Variants in RIT2 observed in about 807,000 individuals in gnomAD.
RIT2 encodes the protein Ras like without CAAX 2, also known as GTP-binding protein Rit2.
In RIT2, 24 loss-of-function variants were observed where a neutral mutation model predicts 23.7. That is an observed-to-expected ratio of 1.01 (90% CI 0.73 to 1.43). The LOEUF is 1.43. RIT2 is among the 40% of genes most tolerant of loss of function. RIT2 has a pLI of 0.00. For synonymous variants in RIT2, 107 were observed against 91.1 expected, an observed-to-expected ratio of 1.17 and a Z score of -0.99; for missense variants, 236 against 266.9, an observed-to-expected ratio of 0.88 and a Z score of 0.81.
intron 4 of RIT2, among the ~76,000 whole-genome samples, chr18:42,902,312 T>C (rs1944411): frequency 0.022 from 3,406 of 151,752 alleles, 126 homozygotes; most frequent in African/African-American, 0.076. Context: ...TTTTTTTAAT[T>C]TGTCATGATG....
chr18:42,982,770 G>C (rs1407081486), intron 2 of RIT2, among the ~76,000 whole-genome samples: 15 of 151,918 alleles, frequency 9.9e-5, no homozygotes, highest in Admixed American at 3.9e-4. Context: ...AAATACTTAT[G>C]TGTATATTGA....
At chr18:43,089,023 T>G (rs911326758) in intron 1 of RIT2, among the ~76,000 whole-genome samples, 3 of 152,078 alleles carry the variant, frequency 2.0e-5, no homozygotes, top group Non-Finnish European at 4.4e-5. Flanking sequence ...ACATGTATGT[T>G]TTAAATAGAG....
intron 2 of RIT2, among the ~76,000 whole-genome samples, chr18:42,977,908 C>T (rs1267850029): frequency 6.6e-6 from 1 of 150,868 alleles, no homozygotes. Flanking sequence ...TTCTATTCCA[C>T]TGCTCTTTGT....
intron 1 of RIT2, among the ~76,000 whole-genome samples, chr18:43,086,622 C>G (rs1019261680): frequency 2.0e-5 from 3 of 152,228 alleles, no homozygotes; most frequent in South Asian, 2.1e-4. Context: ...ACATCTCTCT[C>G]CACAAAAGGC....
At chr18:42,819,086 A>G (rs1906075763) in intron 4 of RIT2, among the ~76,000 whole-genome samples, 1 of 152,092 alleles carries the variant, frequency 6.6e-6, no homozygotes, top group Non-Finnish European at 1.5e-5. Flanking sequence ...ATGAAGGCAG[A>G]GATGGTAAGA....
intron 4 of RIT2, among the ~76,000 whole-genome samples, chr18:42,901,547 A>C (rs1238628157): frequency 6.6e-6 from 1 of 152,044 alleles, no homozygotes; most frequent in East Asian, 1.9e-4. Context: ...AAATCTCCCA[A>C]TTATAAAAGA....
intron 1 of RIT2, among the ~76,000 whole-genome samples, chr18:43,107,791 C>T (rs542246587): frequency 6.6e-6 from 1 of 152,138 alleles, no homozygotes. Flanking sequence ...AAGCGTAGCA[C>T]TCTCCGTTGT....
chr18:42,934,143 A>G (rs925230912), intron 3 of RIT2, among the ~76,000 whole-genome samples: 1 of 152,086 alleles, frequency 6.6e-6, no homozygotes, highest in African/African-American at 2.4e-5. Flanking sequence ...TCCTGCATAC[A>G]AATATAGTAG....
intron 4 of RIT2, among the ~76,000 whole-genome samples, chr18:42,919,058 G>A (rs1469760059): frequency 6.6e-6 from 1 of 152,078 alleles, no homozygotes; most frequent in African/African-American, 2.4e-5. Context: ...CAGATCCTGA[G>A]AAGAACAGAA....
chr18:43,080,190 G>A (rs1225073753), intron 1 of RIT2, among the ~76,000 whole-genome samples: 1 of 152,158 alleles, frequency 6.6e-6, no homozygotes, highest in Non-Finnish European at 1.5e-5. Flanking sequence ...GCTTTCCTCT[G>A]TTAGAGAATG....
chr18:42,917,597 C>A (rs904765596), intron 4 of RIT2, among the ~76,000 whole-genome samples: 1 of 152,142 alleles, frequency 6.6e-6, no homozygotes, highest in Non-Finnish European at 1.5e-5. Context: ...CAACCAACGA[C>A]AAGACTGACT....
rs16976973 is a variant in RIT2 at position 42,822,282 on chromosome 18, G to A, written c.427-78562C>T. ...TCCTTTTAAAGCTTCTACACCTGTA[G>A]GGAATGCTTTATAAATGGCCCTAAT... On this transcript the variant is annotated intron_variant, in intron 4 of 4. Coordinates refer to ENST00000326695, the MANE Select transcript of RIT2 (RefSeq NM_002930.4). Among the ~76,000 whole-genome samples, 498 of 152,264 alleles carry A rather than the reference G, an allele frequency of 3.3e-3. 4 individuals are homozygous for A. The highest frequency in any genetic ancestry group is 0.011 in the African/African-American group (477 of 41,556).
chr18:42,908,647 G>A (rs1049872651), intron 4 of RIT2, among the ~76,000 whole-genome samples: 1 of 152,124 alleles, frequency 6.6e-6, no homozygotes, highest in Non-Finnish European at 1.5e-5. Context: ...ATCAAGTGCT[G>A]AAAGAGCGGT....
intron 4 of RIT2, among the ~76,000 whole-genome samples, chr18:42,818,617 G>C (rs897527319): frequency 6.6e-6 from 1 of 152,008 alleles, no homozygotes; most frequent in Non-Finnish European, 1.5e-5. Context: ...ACTTAGCTGA[G>C]TATATCAAGA....
intron 4 of RIT2, among the ~76,000 whole-genome samples, chr18:42,752,552 C>T (rs184090134): frequency 1.3e-5 from 2 of 152,232 alleles, no homozygotes; most frequent in Admixed American, 6.5e-5. Context: ...CATTAAGCAC[C>T]GCTTCCCTTC....
At chr18:42,898,649 T>C (rs1270997728) in intron 4 of RIT2, among the ~76,000 whole-genome samples, 1 of 152,208 alleles carries the variant, frequency 6.6e-6, no homozygotes, top group Admixed American at 6.5e-5. Flanking sequence ...CTGTTTGCCC[T>C]CAAAATGTCC....
At chr18:43,081,894 C>T (rs904123872) in intron 1 of RIT2, among the ~76,000 whole-genome samples, 4 of 151,706 alleles carry the variant, frequency 2.6e-5, no homozygotes, top group Admixed American at 2.6e-4. Context: ...CATTTTTTTC[C>T]ATCCTTCTTC....
intron 4 of RIT2, among the ~76,000 whole-genome samples, chr18:42,800,468 G>T (rs1008951390): frequency 6.6e-6 from 1 of 151,190 alleles, no homozygotes; most frequent in African/African-American, 2.4e-5. Flanking sequence ...TGTCAGAGCC[G>T]ATCTACTCTT....
At chr18:42,788,123 AC>A (rs1376261757) in intron 4 of RIT2, among the ~76,000 whole-genome samples, 14 of 152,138 alleles carry the variant, frequency 9.2e-5, no homozygotes, top group African/African-American at 3.4e-4. Flanking sequence ...CAATTTGCAA[AC>A]AAAAATATTT....
Sources: allele counts gnomAD v4.1 joint callset (sites outside exome capture counted in the v4.1 genomes callset), GRCh38; gene constraint gnomAD v4.1.1; transcripts MANE v1.5; gene names NCBI Gene and HGNC (gene_info 2026-07-23, HGNC 2026-07-21).